MAP2: variants seen among roughly 807,000 people sequenced by gnomAD.
MAP2 encodes microtubule associated protein 2, also known as microtubule-associated protein 2.
A neutral mutation model predicts 137.6 loss-of-function variants in MAP2; 14 were observed. The observed-to-expected ratio is 0.10, with a 90% CI of 0.07 to 0.16. The LOEUF (loss-of-function observed/expected upper bound fraction) is 0.16, where lower values mean the gene tolerates loss of function less well. Among genes scored for constraint, MAP2 ranks in the 10% least tolerant of loss-of-function variants. MAP2 has a pLI of 1.00. For synonymous variants in MAP2, 786 were observed against 782.3 expected, an observed-to-expected ratio of 1.00 and a Z score of -0.08; for missense variants, 2,088 against 2,191.5, an observed-to-expected ratio of 0.95 and a Z score of 0.94.
chr2:209,529,364 A>C (rs761010580), intron 2 of MAP2, among the ~76,000 whole-genome samples: 1 of 152,200 alleles, frequency 6.6e-6, no homozygotes, highest in Non-Finnish European at 1.5e-5. Context: ...AATTAACATG[A>C]ATAAGTAAAC....
chr2:209,535,125 ACTTT>A (rs2065758267), intron 2 of MAP2, among the ~76,000 whole-genome samples: 1 of 151,796 alleles, frequency 6.6e-6, no homozygotes, highest in Admixed American at 6.6e-5. Flanking sequence ...CTAGTAATCT[ACTTT>A]CTGTCTCTAT....
intron 1 of MAP2, among the ~76,000 whole-genome samples, chr2:209,465,366 T>C (rs1177449020): frequency 6.6e-6 from 1 of 152,184 alleles, no homozygotes; most frequent in African/African-American, 2.4e-5. Context: ...GTGAGTAATA[T>C]AACATTTGCT....
At chr2:209,717,006 G>A (rs914175887) in intron 13 of MAP2, among the ~76,000 whole-genome samples, 2 of 152,132 alleles carry the variant, frequency 1.3e-5, no homozygotes, top group African/African-American at 4.8e-5. Flanking sequence ...CATAAGGGAA[G>A]AAGGAGACAT....
intron 11 of MAP2, among the ~76,000 whole-genome samples, chr2:209,705,037 A>G (rs1192692162): frequency 1.3e-5 from 2 of 151,960 alleles, no homozygotes; most frequent in Non-Finnish European, 2.9e-5. Flanking sequence ...TATCTCTGAC[A>G]CCTACCAACT....
chr2:209,696,741 GA>G lies in MAP2; in HGVS notation c.4386del (p.Ala1463GlnfsTer25). The G allele has an allele frequency of 6.3e-7, 1 of 1,593,410 alleles. No homozygotes were observed. Among genetic ancestry groups the G allele is most frequent in the Admixed American group, 1.8e-5 (1 of 54,070 alleles). ...STVSRDEVRR[K>X]KAVYKKAELA... Reference sequence around the variant, plus strand: ...CAGTCTCCAGAGATGAAGTGAGAAGGAAAAAAGGTTCATTTAACAATCACTT... The same window carrying G: ...CAGTCTCCAGAGATGAAGTGAGAAGGAAAAAGGTTCATTTAACAATCACTT... On this transcript the variant is annotated frameshift_variant, in exon 9 of 16. Transcript: ENST00000682079. LOFTEE classifies it high-confidence loss of function.
intron 1 of MAP2, among the ~76,000 whole-genome samples, chr2:209,499,835 A>G (rs886624956): frequency 3.3e-5 from 5 of 152,218 alleles, no homozygotes; most frequent in Admixed American, 1.3e-4. Flanking sequence ...AAGTGACTGG[A>G]TTTTGTGAGA....
chr2:209,549,119 T>C (rs1383117419), intron 2 of MAP2, among the ~76,000 whole-genome samples: 1 of 152,126 alleles, frequency 6.6e-6, no homozygotes, highest in Non-Finnish European at 1.5e-5. Context: ...CAAGAAAAAA[T>C]AATTGGTAAA....
intron 1 of MAP2, among the ~76,000 whole-genome samples, chr2:209,468,503 G>T (rs1358038020): frequency 6.6e-6 from 1 of 151,210 alleles, no homozygotes. Context: ...TGTATTTTTA[G>T]TACAGACGAG....
chr2:209,434,468 G>C (rs943829065), intron 1 of MAP2, among the ~76,000 whole-genome samples: 1 of 151,170 alleles, frequency 6.6e-6, no homozygotes, highest in Non-Finnish European at 1.5e-5. Flanking sequence ...TTATTTTTAG[G>C]ATTATTTTTA....
chr2:209,476,412 T>TC (rs397987600), intron 1 of MAP2, among the ~76,000 whole-genome samples: 4 of 150,622 alleles, frequency 2.7e-5, no homozygotes, highest in East Asian at 3.9e-4. Context: ...TTTTTTTTTT[T>TC]CATCATTCTG....
intron 4 of MAP2, among the ~76,000 whole-genome samples, chr2:209,628,557 A>C (rs1341414917): frequency 6.6e-6 from 1 of 152,106 alleles, no homozygotes; most frequent in East Asian, 1.9e-4. Flanking sequence ...CCCTGTACTC[A>C]GTCTTGTTCT....
intron 2 of MAP2, among the ~76,000 whole-genome samples, chr2:209,575,335 C>T (rs141724827): frequency 0.01 from 1,546 of 151,930 alleles, 30 homozygotes; most frequent in African/African-American, 0.035. Flanking sequence ...TCCTGGCTAA[C>T]ACAGTGAAAC....
intron 5 of MAP2, among the ~76,000 whole-genome samples, chr2:209,670,453 T>C (rs1192034281): frequency 6.6e-6 from 1 of 152,006 alleles, no homozygotes; most frequent in African/African-American, 2.4e-5. Context: ...GTAGGTACTA[T>C]CTCTGATCTG....
intron 3 of MAP2, among the ~76,000 whole-genome samples, chr2:209,622,791 C>T (rs2091515077): frequency 6.6e-6 from 1 of 152,010 alleles, no homozygotes; most frequent in Non-Finnish European, 1.5e-5. Flanking sequence ...GTATGTATCT[C>T]TTTCTCATAA....
chr2:209,617,988 G>GA lies in MAP2; in HGVS notation c.-106-7056dup, dbSNP rs546147027. Among the ~76,000 whole-genome samples, 146 of 149,260 alleles carry GA rather than the reference G, an allele frequency of 9.8e-4. 1 individual carries two copies. The highest frequency in any genetic ancestry group is 1.6e-3 in the East Asian group (8 of 5,126). On this transcript the variant is annotated intron_variant, in intron 3 of 15. Coordinates refer to ENST00000682079, the MANE Select transcript of MAP2 (RefSeq NM_001375505.1). ...TAATGGCTTTTAGAATTGAAATAAA[G>GA]AAAAAAAAAGGTCAGGGACATGAAT...
At chr2:209,556,674 A>T (rs2153326747) in intron 2 of MAP2, among the ~76,000 whole-genome samples, 1 of 152,030 alleles carries the variant, frequency 6.6e-6, no homozygotes, top group East Asian at 1.9e-4. Context: ...AAAAAAAAAA[A>T]AAAAAAAGGA....
At chr2:209,696,403 AT>A (rs34542257) in intron 8 of MAP2, 53 bp downstream of exon 8, 41 of 1,508,970 alleles carry the variant, frequency 2.7e-5, no homozygotes, top group Admixed American at 9.3e-5. Flanking sequence ...CCTTATGGGA[AT>A]TTTTTTTCAC....
intron 1 of MAP2, among the ~76,000 whole-genome samples, chr2:209,483,892 G>A (rs895514573): frequency 2.0e-5 from 3 of 152,062 alleles, no homozygotes; most frequent in Non-Finnish European, 2.9e-5. Context: ...TGACAGCTGG[G>A]AGAAATTTTC....
In MAP2 at chr2:209,694,588, T is replaced by C; in HGVS notation, c.2418T>C (p.Leu806=). 1.2e-6 allele frequency: 2 copies of C among 1,614,000 alleles called. No individual in the cohort carries two copies. The highest frequency in any genetic ancestry group is 1.7e-6 in the Non-Finnish European group (2 of 1,179,896). ...ATGGTACTGTCATGGCACCTGACCT[T>C]CCTGAAATGCTAGATCTGGCAGGCA... ...YKNGTVMAPD[L]PEMLDLAGTR... is the part of the protein sequence containing the mutation. Residue 806 remains leucine (L), a synonymous_variant, in exon 8 of 16, where the codon CTT becomes CTC. Coordinates refer to ENST00000682079, the MANE Select transcript of MAP2 (RefSeq NM_001375505.1).
Sources: gnomAD v4.1 joint callset for allele counts (sites outside exome capture counted in the v4.1 genomes callset) on GRCh38, gnomAD v4.1.1 for gene constraint, MANE v1.5 for transcripts, NCBI Gene and HGNC (gene_info 2026-07-23, HGNC 2026-07-21) for gene names.